Variants in ZNF474 observed in about 807,000 individuals in gnomAD.
ZNF474 encodes the protein 4933409D10Rik.
For missense variants in ZNF474, 511 were observed against 433.8 expected, an observed-to-expected ratio of 1.18 and a Z score of -1.58; for synonymous variants, 192 against 162.2, an observed-to-expected ratio of 1.18 and a Z score of -1.39.
At chr5:122,138,640 A>G (rs1162167590) in intron 1 of ZNF474, among the ~76,000 whole-genome samples, 4 of 152,232 alleles carry the variant, frequency 2.6e-5, no homozygotes, top group South Asian at 2.1e-4. Context: ...CCAGCATATC[A>G]TCACTAAATA....
At chr5:122,147,988 T>C (rs1311852148) in intron 1 of ZNF474, 1 of 152,260 alleles carries the variant, frequency 6.6e-6, no homozygotes, top group African/African-American at 2.4e-5. Flanking sequence ...TGAGTGAACA[T>C]TTCTCCAGAG....
At position 122,149,378 on chromosome 5, in the gene ZNF474, C is replaced by G. The variant is rs1057495189; in HGVS notation, c.-212-2401C>G. Among the ~76,000 whole-genome samples the G allele has an allele frequency of 2.6e-5, 4 of 152,346 alleles. No individual in the cohort carries two copies. In the East Asian group the frequency reaches 7.7e-4, roughly 29 times the overall value. On this transcript the variant is annotated intron_variant, in intron 1 of 1. Coordinates refer to ENST00000296600, the MANE Select transcript of ZNF474 (RefSeq NM_207317.3). ...TCTCTCTCTTCTGCTTTGTCCCTCT[C>G]AGAGGCTTCTCCTCTGTGCCTTGTC...
chr5:122,130,518 T>C (rs1254035024), intron 1 of ZNF474, among the ~76,000 whole-genome samples: 2 of 152,240 alleles, frequency 1.3e-5, no homozygotes, highest in Non-Finnish European at 2.9e-5. Flanking sequence ...AAGTCAGTAG[T>C]ACAATTCTTT....
intron 1 of ZNF474, among the ~76,000 whole-genome samples, chr5:122,134,815 G>T (rs1422804308): frequency 6.6e-6 from 1 of 152,154 alleles, no homozygotes; most frequent in Non-Finnish European, 1.5e-5. Flanking sequence ...AGAATGAAAT[G>T]AAACTCTTAT....
At chr5:122,146,284 A>C (rs745994683) in intron 1 of ZNF474, among the ~76,000 whole-genome samples, 4 of 152,304 alleles carry the variant, frequency 2.6e-5, no homozygotes, top group African/African-American at 9.6e-5. Flanking sequence ...CAATAAGTTA[A>C]TAACTGGCAC....
intron 1 of ZNF474, among the ~76,000 whole-genome samples, chr5:122,142,870 G>A (rs986756605): frequency 2.6e-5 from 4 of 152,146 alleles, no homozygotes; most frequent in African/African-American, 9.7e-5. Flanking sequence ...CAGAGTCACT[G>A]CCAGGAACGT....
Position 122,152,503 on chromosome 5 carries a change from T to G in ZNF474, c.513T>G (p.Cys171Trp), listed in dbSNP as rs150551514. ...AQAQLLPCES[C>W]GRTFLPDHLL... ...CTCAGCTGCTGCCCTGTGAATCCTG[T>G]GGCCGCACATTCTTGCCAGATCATC... Residue 171 changes from cysteine to tryptophan, a missense_variant, in exon 2 of 2, where the codon TGT (cysteine) becomes TGG (tryptophan). Cys to Trp is a radical substitution (Grantham distance 215). Coordinates refer to ENST00000296600, the MANE Select transcript of ZNF474 (RefSeq NM_207317.3). 9.7e-5 allele frequency: 156 copies of G among 1,614,180 alleles called. 1 individual carries two copies. The East Asian group carries it at 3.5e-3, about 36-fold the overall frequency.
rs576616148 is a variant in ZNF474 at position 122,134,170 on chromosome 5, C to A, written c.-213+4487C>A. On this transcript the variant is annotated intron_variant, in intron 1 of 1. Transcript: ENST00000296600. ...AACAATTTCTAAATATCATTGCACA[C>A]AAATATGGCAATAGGAATACACTAT... Among the ~76,000 whole-genome samples the A allele has an allele frequency of 2.0e-5, 3 of 152,210 alleles. No homozygotes were observed. In the East Asian group the frequency reaches 5.8e-4, roughly 29 times the overall value.
intron 1 of ZNF474, among the ~76,000 whole-genome samples, chr5:122,145,495 A>T (rs1755966233): frequency 6.6e-6 from 1 of 152,166 alleles, no homozygotes; most frequent in African/African-American, 2.4e-5. Context: ...TATGAGTAGG[A>T]TCACTTTGCT....
In ZNF474 at chr5:122,152,169, A is replaced by C; in HGVS notation, c.179A>C (p.Lys60Thr). ...GAAAATATAAAGACAGACACTCAGA[A>C]AAAGAGACCTGGGACTGTGATACTA... ...PGENIKTDTQ[K>T]KRPGTVILSK... Residue 60 changes from lysine to threonine, a missense_variant, in exon 2 of 2, where the codon AAA (lysine) becomes ACA (threonine). Lys to Thr is a moderately conservative substitution (Grantham distance 78). Transcript: ENST00000296600. The C allele has an allele frequency of 1.9e-6, 3 of 1,614,178 alleles. No individual in the cohort carries two copies. Among genetic ancestry groups the C allele is most frequent in the Non-Finnish European group, 2.5e-6 (3 of 1,180,038 alleles).
intron 1 of ZNF474, among the ~76,000 whole-genome samples, chr5:122,145,100 C>G (rs992702517): frequency 2.0e-5 from 3 of 152,112 alleles, no homozygotes; most frequent in South Asian, 2.1e-4. Flanking sequence ...TATGTTCATA[C>G]CTGACAATTA....
intron 1 of ZNF474, among the ~76,000 whole-genome samples, chr5:122,139,776 T>C (rs1010933893): frequency 1.3e-5 from 2 of 152,176 alleles, no homozygotes; most frequent in South Asian, 4.1e-4. Flanking sequence ...AATAAGGACA[T>C]GACATCACAT....
rs534082721 is a variant in ZNF474 at position 122,132,624 on chromosome 5, T to C, written c.-213+2941T>C. ...TTCTTAAAGTTTTATCATTTTTGCT[T>C]TTATATTTAGTTCCATGATCCATCT... is the stretch of plus-strand genomic sequence containing the variant. On this transcript the variant is annotated intron_variant, in intron 1 of 1. Transcript: ENST00000296600. 7.2e-5 allele frequency among the ~76,000 whole-genome samples: 11 copies of C among 152,294 alleles called. No homozygotes were observed. In the East Asian group the frequency reaches 1.7e-3, roughly 24 times the overall value.
chr5:122,131,614 C>T (rs754558338), intron 1 of ZNF474, among the ~76,000 whole-genome samples: 1 of 151,908 alleles, frequency 6.6e-6, no homozygotes, highest in Non-Finnish European at 1.5e-5. Flanking sequence ...AAGAAGCCTG[C>T]ACAAGTCTTA....
Position 122,130,695 on chromosome 5 carries a change from C to G in ZNF474, c.-213+1012C>G, listed in dbSNP as rs1172987374. ...TTATTTTTTATGTCTAACTTTTTTC[C>G]AGCTTTATTGAGGTATGACTGACAA... On this transcript the variant is annotated intron_variant, in intron 1 of 1. Coordinates refer to ENST00000296600, the MANE Select transcript of ZNF474 (RefSeq NM_207317.3). Among the ~76,000 whole-genome samples, 6 of 151,916 alleles carry G rather than the reference C, an allele frequency of 3.9e-5. No homozygotes were observed. In the South Asian group the frequency reaches 6.2e-4, roughly 16 times the overall value.
chr5:122,151,705 A>ATGTCTGTGTG (rs58814754), intron 1 of ZNF474, 74 bp from the exon 2 acceptor site: 11,821 of 205,840 alleles, frequency 0.057, 404 homozygotes, highest in Middle Eastern at 0.094. Context: ...AACAACCTAA[A>ATGTCTGTGTG]TGTGTGTGTG....
intron 1 of ZNF474, 74 bp from the exon 2 acceptor site, chr5:122,151,705 A>ATGTCTGTCTGTGTG (rs58814754): frequency 1.5e-5 from 3 of 206,000 alleles, no homozygotes; most frequent in African/African-American, 7.4e-5. Context: ...AACAACCTAA[A>ATGTCTGTCTGTGTG]TGTGTGTGTG....
intron 1 of ZNF474, among the ~76,000 whole-genome samples, chr5:122,141,610 G>C (rs1387005728): frequency 2.0e-5 from 3 of 151,578 alleles, no homozygotes; most frequent in East Asian, 3.9e-4. Flanking sequence ...CCCGGCCCTA[G>C]CTAATTTTTT....
intron 1 of ZNF474, among the ~76,000 whole-genome samples, chr5:122,138,901 A>G (rs1196529287): frequency 6.6e-6 from 1 of 152,208 alleles, no homozygotes; most frequent in Non-Finnish European, 1.5e-5. Context: ...TCAAGTATAC[A>G]TATCCTTTGA....
Sources: allele counts gnomAD v4.1 joint callset (sites outside exome capture counted in the v4.1 genomes callset), GRCh38; gene constraint gnomAD v4.1.1; transcripts MANE v1.5; gene names NCBI Gene and HGNC (gene_info 2026-07-23, HGNC 2026-07-21).